The following TIPIN variants were observed in gnomAD, a reference collection of about 807,000 sequenced individuals.
TIPIN encodes TIMELESS-interacting protein.
A neutral mutation model predicts 35.6 loss-of-function variants in TIPIN; 29 were observed. The observed-to-expected ratio is 0.82, with a 90% confidence interval of 0.61 to 1.11. The LOEUF is 1.11. Ranked by LOEUF, TIPIN falls within the 50% of genes most tolerant of loss-of-function variation. The pLI, the probability that TIPIN is intolerant of heterozygous loss-of-function variation, is 0.00. For missense variants in TIPIN, 296 were observed against 345.4 expected (o/e 0.86, Z 1.13); for synonymous variants, 102 against 121.5 (o/e 0.84, Z 1.06).
chr15:66,371,213 A>C, intron 1 of TIPIN: 1 of 984,916 alleles, frequency 1.0e-6, no homozygotes, highest in African/African-American at 1.7e-5. Flanking sequence ...TCTCAAAAAA[A>C]AAAAAAAAGT....
intron 6 of TIPIN, among the ~76,000 whole-genome samples, chr15:66,342,210 A>ATT (rs2140444261): frequency 6.9e-6 from 1 of 145,630 alleles, no homozygotes; most frequent in Non-Finnish European, 1.5e-5. Flanking sequence ...AAAAAAAAAG[A>ATT]AAGAAACAAA....
At position 66,336,895 on chromosome 15, in the gene TIPIN, T is replaced by C. The variant is rs2093048122; in HGVS notation, c.*63A>G. The C allele has an allele frequency of 2.1e-6, 3 of 1,437,620 alleles. No individual in the cohort carries two copies. Among genetic ancestry groups the C allele is most frequent in the African/African-American group, 1.4e-5 (1 of 70,844 alleles). 89.1% of individuals were successfully genotyped at this position (1,437,620 alleles called of 1,614,324 possible). A position where few individuals can be genotyped will look rare whatever the true frequency, so the allele number is the denominator to read the frequency against. The stretch of plus-strand genomic sequence containing the variant: ...GGATTTTCACTCCAAGAAGAAAAAA[T>C]ACATAGTAACGCCAAGCTTGCAGGA... On this transcript the variant is annotated 3_prime_UTR_variant, in exon 8 of 8. Coordinates refer to ENST00000261881, the MANE Select transcript of TIPIN (RefSeq NM_017858.3).
chr15:66,379,226 T>C (rs919619545), intron 1 of TIPIN: 14 of 1,375,878 alleles, frequency 1.0e-5, no homozygotes, highest in Non-Finnish European at 1.2e-5. Flanking sequence ...TTTATTTAGC[T>C]ATTTACTTTT....
chr15:66,371,484 G>C (rs2093277383), intron 1 of TIPIN: 1 of 604,304 alleles, frequency 1.7e-6, no homozygotes, highest in Admixed American at 6.5e-5. Flanking sequence ...TTTTCCATGA[G>C]TTTATTTATT....
intron 1 of TIPIN, chr15:66,383,410 C>T: frequency 5.8e-6 from 1 of 172,104 alleles, no homozygotes; most frequent in Non-Finnish European, 1.2e-5. Flanking sequence ...CTACAGGCAC[C>T]CGCCACCACA....
chr15:66,352,004 T>TA (rs963949806), intron 3 of TIPIN, 125 bp downstream of exon 3: 43 of 754,514 alleles, frequency 5.7e-5, no homozygotes, highest in Middle Eastern at 6.8e-4. Flanking sequence ...TCTGCTGAAC[T>TA]AAAAAAAAGT....
chr15:66,354,739 T>C (rs1320804793), intron 1 of TIPIN, among the ~76,000 whole-genome samples: 2 of 152,208 alleles, frequency 1.3e-5, no homozygotes, highest in Non-Finnish European at 2.9e-5. Flanking sequence ...TACTATTTCC[T>C]GTCTTGAAAA....
At chr15:66,363,809 C>T (rs2093241421) in intron 1 of TIPIN, among the ~76,000 whole-genome samples, 1 of 151,678 alleles carries the variant, frequency 6.6e-6, no homozygotes. Flanking sequence ...GGTGAAACCA[C>T]ATCTCTGTTA....
At chr15:66,367,187 A>AAATCTATATCTAT (rs1555410013) in intron 1 of TIPIN, among the ~76,000 whole-genome samples, 3 of 130,854 alleles carry the variant, frequency 2.3e-5, no homozygotes, top group Non-Finnish European at 3.4e-5. Context: ...CTCAAAAAAA[A>AAATCTATATCTAT]ATCTATATCT....
chr15:66,340,350 G>T (rs941847092), intron 7 of TIPIN, among the ~76,000 whole-genome samples: 5 of 150,950 alleles, frequency 3.3e-5, no homozygotes, highest in African/African-American at 4.9e-5. Flanking sequence ...GTTAATTTTT[G>T]TATTTTTAGT....
intron 4 of TIPIN, 86 bp from the exon 5 acceptor site, chr15:66,349,523 C>A: frequency 6.7e-7 from 1 of 1,499,688 alleles, no homozygotes; most frequent in Non-Finnish European, 8.9e-7. Flanking sequence ...AAAAGCTATG[C>A]CAAAATCACT....
intron 7 of TIPIN, among the ~76,000 whole-genome samples, chr15:66,339,263 A>G (rs991584743): frequency 8.0e-5 from 12 of 149,990 alleles, no homozygotes; most frequent in Non-Finnish European, 3.0e-5. Flanking sequence ...ACAACATGGT[A>G]TCTAGTTATT....
chr15:66,350,938 T>TA (rs35214451), intron 4 of TIPIN, among the ~76,000 whole-genome samples: 17,639 of 82,022 alleles, frequency 0.22, 2,011 homozygotes, highest in Middle Eastern at 0.34. Flanking sequence ...GACTCCGTCT[T>TA]AAAAAAAAAA....
chr15:66,341,413 C>G, intron 6 of TIPIN, 57 bp from the exon 7 acceptor site: 1 of 1,472,998 alleles, frequency 6.8e-7, no homozygotes. Flanking sequence ...AGAAGGGCTT[C>G]TCATTGAAAA....
intron 1 of TIPIN, among the ~76,000 whole-genome samples, chr15:66,384,727 A>G (rs2093330182): frequency 1.3e-5 from 2 of 152,110 alleles, no homozygotes; most frequent in African/African-American, 4.8e-5. Context: ...AGCCTGGCCA[A>G]CATGGTGAAA....
At chr15:66,346,548 C>T (rs2093127324) in intron 6 of TIPIN, among the ~76,000 whole-genome samples, 1 of 152,066 alleles carries the variant, frequency 6.6e-6, no homozygotes, top group Non-Finnish European at 1.5e-5. Context: ...CAACACCTAC[C>T]ACACTACTGG....
chr15:66,337,759 A>G (rs2093054825), intron 7 of TIPIN, among the ~76,000 whole-genome samples: 1 of 97,240 alleles, frequency 1.0e-5, no homozygotes, highest in East Asian at 3.2e-4. Flanking sequence ...CCATGTCAAC[A>G]AAACATCAAA....
chr15:66,359,249 T>C, upstream of TIPIN, among the ~76,000 whole-genome samples: 1 of 152,122 alleles, frequency 6.6e-6, no homozygotes, highest in Admixed American at 6.6e-5. Flanking sequence ...TGTGCACATG[T>C]ATCTATGTGT....
chr15:66,362,985 C>T (rs1033095266), intron 1 of TIPIN, among the ~76,000 whole-genome samples: 1 of 152,214 alleles, frequency 6.6e-6, no homozygotes, highest in Admixed American at 6.6e-5. Flanking sequence ...CATGCCCAAA[C>T]TAGCACCCAT....
Sources: allele counts gnomAD v4.1 joint callset (sites outside exome capture counted in the v4.1 genomes callset), GRCh38; gene constraint gnomAD v4.1.1; transcripts MANE v1.5; gene names NCBI Gene and HGNC (gene_info 2026-07-23, HGNC 2026-07-21).